The following LAMA5 variants were observed in gnomAD, a reference collection of about 807,000 sequenced individuals.
LAMA5 encodes the protein laminin subunit alpha-5.
Under a neutral mutation model 433.4 loss-of-function variants are expected in LAMA5, and 260 were observed. The ratio of observed to expected loss-of-function variants is 0.60; its 90% confidence interval spans 0.54 to 0.66. The LOEUF is 0.66. Among genes scored for constraint, LAMA5 ranks in the 30% least tolerant of loss-of-function variants. LAMA5 has a pLI of 0.00. For missense variants in LAMA5, 5,378 were observed against 5,258.5 expected, an observed-to-expected ratio of 1.02 and a Z score of -0.70; for synonymous variants, 2,620 against 2,226.6, an observed-to-expected ratio of 1.18 and a Z score of -4.97.
At chr20:62,317,270 G>A (rs1737459312) in intron 55 of LAMA5, 75 bp downstream of exon 55, 3 of 1,425,242 alleles carry the variant, frequency 2.1e-6, no homozygotes, top group African/African-American at 2.9e-5. Context: ...AGCCTTCCCA[G>A]ACCAGCTGGC....
At position 62,335,063 on chromosome 20, in the gene LAMA5, C is replaced by T; in HGVS notation, c.2440G>A (p.Gly814Ser). Residue 814 changes from glycine to serine, a missense_variant, in exon 20 of 80, where the codon GGC (glycine) becomes AGC (serine). Coordinates refer to ENST00000252999, the MANE Select transcript of LAMA5 (RefSeq NM_005560.6). ...CGQACASCKD[G>S]FFGLDQADYF... ...TCAGCCTGATCCAGTCCAAAGAAGC[C>T]ATCCTTGCAGGACGCGCAGGCCTGG... 6.2e-7 allele frequency: 1 copy of T among 1,613,020 alleles called. No homozygotes were observed. The highest frequency in any genetic ancestry group is 8.5e-7 in the Non-Finnish European group (1 of 1,179,706).
rs1400045222 is a variant in LAMA5, at chr20:62,323,034, AGG to A, written c.6065-278_6065-277del. ...GCATTGGTGGTGGTGTCTAACCATG[AGG>A]GGGGACTGATTGTGGGGGGAGAGGG... On this transcript the variant is annotated intron_variant, in intron 45 of 79. Transcript: ENST00000252999. Among the ~76,000 whole-genome samples, 54 of 95,386 alleles carry A rather than the reference AGG, an allele frequency of 5.7e-4. 1 individual carries two copies. The allele number at this position is 95,386 out of a possible 152,430, so 62.6% of individuals were successfully genotyped here.
Position 62,311,313 on chromosome 20 carries a change from G to A in LAMA5, c.9943-6C>T. The A allele has an allele frequency of 6.4e-7, 1 of 1,560,114 alleles. No homozygotes were observed. Among genetic ancestry groups the A allele is most frequent in the Non-Finnish European group, 8.6e-7 (1 of 1,156,232 alleles). On this transcript the variant is annotated splice_polypyrimidine_tract_variant and splice_region_variant and intron_variant, in intron 72 of 79. Coordinates refer to ENST00000252999, the MANE Select transcript of LAMA5 (RefSeq NM_005560.6). ...TGACGGCTGCGGCGGGAGGCCTGGG[G>A]GCGTGGATGGTGAATGCAGGGGCCG...
intron 2 of LAMA5, among the ~76,000 whole-genome samples, chr20:62,361,380 T>TG (rs141924957): frequency 0.064 from 9,760 of 152,130 alleles, 359 homozygotes; most frequent in South Asian, 0.18. Context: ...CCAGGCCACT[T>TG]TTGGAGCTTG....
chr20:62,312,806 G>T (rs1986460490), intron 66 of LAMA5, 26 bp from the exon 67 acceptor site: 2 of 1,598,132 alleles, frequency 1.3e-6, no homozygotes, highest in South Asian at 2.2e-5. Context: ...GGGCTCCAGG[G>T]CCAGCTGTGT....
In LAMA5 at chr20:62,346,691, G is replaced by A. The variant is rs751096020; in HGVS notation, c.1182C>T (p.Ile394=). The A allele has an allele frequency of 1.6e-5, 26 of 1,612,970 alleles. No homozygotes were observed. The highest frequency in any genetic ancestry group is 1.1e-4 in the East Asian group (5 of 44,876). The stretch of plus-strand genomic sequence containing the variant: ...CTCTAGCCCAGCCCACCTGGCAGTC[G>A]ATACAGACACCCCCACCCTGATAGG... ...DGTYQGGGVC[I]DCQHHTTGVN... The change falls in exon 8 of 80, where the codon ATC becomes ATT. Residue 394 remains isoleucine, a synonymous_variant. Coordinates refer to ENST00000252999, the MANE Select transcript of LAMA5 (RefSeq NM_005560.6).
intron 11 of LAMA5, among the ~76,000 whole-genome samples, chr20:62,343,428 C>A (rs1420903052): frequency 6.6e-6 from 1 of 152,092 alleles, no homozygotes; most frequent in African/African-American, 2.4e-5. Flanking sequence ...AAAGCTCCCC[C>A]CCAAAATAAG....
intron 6 of LAMA5, among the ~76,000 whole-genome samples, chr20:62,349,232 C>T (rs956247455): frequency 3.9e-5 from 5 of 126,598 alleles, no homozygotes; most frequent in Admixed American, 9.9e-5. Context: ...GATCGTGCCA[C>T]TGCACGCCAG....
At chr20:62,345,978 C>T (rs1261732936) in intron 10 of LAMA5, 101 bp from the exon 11 acceptor site, 6 of 1,577,486 alleles carry the variant, frequency 3.8e-6, no homozygotes, top group African/African-American at 2.7e-5. Flanking sequence ...GAGATGCAGG[C>T]AGGATAACAT....
At chr20:62,351,849 C>T (rs1276263982) in intron 5 of LAMA5, 48 bp from the exon 6 acceptor site, 3 of 1,580,404 alleles carry the variant, frequency 1.9e-6, no homozygotes, top group African/African-American at 1.3e-5. Flanking sequence ...CCTCACTCAC[C>T]CTGAGTCCCG....
intron 61 of LAMA5, 42 bp from the exon 62 acceptor site, chr20:62,314,482 A>T: frequency 6.2e-7 from 1 of 1,611,004 alleles, no homozygotes; most frequent in Non-Finnish European, 8.5e-7. Context: ...GGGACCGGGG[A>T]CCAGGGACCA....
rs758404709 is a variant in LAMA5 at position 62,322,259 on chromosome 20, C to CA, written c.6346+9dup. 8.8e-6 allele frequency: 14 copies of CA among 1,585,630 alleles called. No homozygotes were observed. The African/African-American group carries it at 1.7e-4, about 20-fold the overall frequency. On this transcript the variant is annotated intron_variant, in intron 47 of 79. Transcript: ENST00000252999. ...CCCCATCCGCCCTCCTGTGACCGGCCAGCACTCACGCCTGCAGCCCTGCTC... is the reference window on the plus strand; with the variant it reads ...CCCCATCCGCCCTCCTGTGACCGGCCAAGCACTCACGCCTGCAGCCCTGCTC...
chr20:62,350,792 C>T (rs1984171441), intron 6 of LAMA5, among the ~76,000 whole-genome samples: 1 of 152,318 alleles, frequency 6.6e-6, no homozygotes, highest in South Asian at 2.1e-4. Context: ...TTGCGTGTTT[C>T]CCAGCTGCCT....
chr20:62,317,513 G>T lies in LAMA5; in HGVS notation c.7357-14C>A, dbSNP rs779570055. ...GCGCTCCAGCTCCTGGAATTTGAGT[G>T]GACTTAGCCCCTCATCCTGCTCACA... On this transcript the variant is annotated splice_polypyrimidine_tract_variant and intron_variant, in intron 54 of 79. Coordinates refer to ENST00000252999, the MANE Select transcript of LAMA5 (RefSeq NM_005560.6). 1.3e-6 allele frequency: 2 copies of T among 1,537,590 alleles called. No homozygotes were observed. The highest frequency in any genetic ancestry group is 1.4e-5 in the African/African-American group (1 of 72,706).
At chr20:62,319,661 A>G (rs774901022) in intron 51 of LAMA5, 23 bp downstream of exon 51, 1 of 1,512,612 alleles carries the variant, frequency 6.6e-7, no homozygotes, top group Non-Finnish European at 8.9e-7. Flanking sequence ...CTGAGCCCTG[A>G]GCCTGGCTGG....
At chr20:62,362,924 C>A (rs750757676) in intron 1 of LAMA5, among the ~76,000 whole-genome samples, 23 of 151,620 alleles carry the variant, frequency 1.5e-4, no homozygotes, top group Non-Finnish European at 3.2e-4. Context: ...GCCCTGGGGG[C>A]AGGAAGAGTC....
At position 62,330,895 on chromosome 20, in the gene LAMA5, G is replaced by GGAT; in HGVS notation, c.3697_3699dup (p.Ile1233dup). The GGAT allele has an allele frequency of 1.9e-6, 3 of 1,546,394 alleles. No individual in the cohort carries two copies. The highest frequency in any genetic ancestry group is 2.6e-6 in the Non-Finnish European group (3 of 1,145,388). On this transcript the variant is annotated inframe_insertion, in exon 30 of 80. Transcript: ENST00000252999. Reference sequence around the variant, plus strand: ...AGCGGGATCACCTGGCAGTCCCTGAGGATGATGGGCTGGGGCGGCTTTGGG... The same window carrying GGAT: ...AGCGGGATCACCTGGCAGTCCCTGAGGATGATGATGGGCTGGGGCGGCTTTGGG...
At chr20:62,342,522 C>T (rs1982755515) in intron 11 of LAMA5, among the ~76,000 whole-genome samples, 1 of 150,438 alleles carries the variant, frequency 6.6e-6, no homozygotes, top group Admixed American at 6.6e-5. Context: ...ACTAAAAGTA[C>T]AAAAAAATTA....
At position 62,313,939 on chromosome 20, in the gene LAMA5, G is replaced by A. The variant is rs373753448; in HGVS notation, c.8505-137C>T. 142 of 902,314 alleles carry A rather than the reference G, an allele frequency of 1.6e-4. 1 individual carries two copies. In the East Asian group the frequency reaches 2.7e-3, roughly 17 times the overall value. 55.9% of individuals were successfully genotyped at this position (902,314 alleles called of 1,614,324 possible). On this transcript the variant is annotated intron_variant, in intron 62 of 79. Coordinates refer to ENST00000252999, the MANE Select transcript of LAMA5 (RefSeq NM_005560.6). ...TGGGCACGGAGAGACGAGGGGTGGCGAGTGGGCATGGAGAGACGGGTGGCG... is the reference window on the plus strand; with the variant it reads ...TGGGCACGGAGAGACGAGGGGTGGCAAGTGGGCATGGAGAGACGGGTGGCG...
Sources: gnomAD v4.1 joint callset for allele counts (sites outside exome capture counted in the v4.1 genomes callset) on GRCh38, gnomAD v4.1.1 for gene constraint, MANE v1.5 for transcripts, NCBI Gene and HGNC (gene_info 2026-07-23, HGNC 2026-07-21) for gene names.